SLC25A12: variants seen among roughly 807,000 people sequenced by gnomAD.
SLC25A12 encodes the protein solute carrier family 25 member 12, also known as electrogenic aspartate/glutamate antiporter SLC25A12, mitochondrial.
In SLC25A12, 32 loss-of-function variants were observed where a neutral mutation model predicts 83.3. The ratio of observed to expected loss-of-function variants is 0.38; its 90% confidence interval spans 0.29 to 0.52. The LOEUF (loss-of-function observed/expected upper bound fraction) is 0.52. Ranked by LOEUF, SLC25A12 falls within the 20% of genes least tolerant of loss-of-function variation. SLC25A12 has a pLI of 0.84. For synonymous variants in SLC25A12, 267 were observed against 291.1 expected, an observed-to-expected ratio of 0.92 and a Z score of 0.84; for missense variants, 611 against 835.6, an observed-to-expected ratio of 0.73 and a Z score of 3.31.
chr2:171,826,186 C>T (rs915902696), intron 9 of SLC25A12, among the ~76,000 whole-genome samples: 1 of 152,020 alleles, frequency 6.6e-6, no homozygotes, highest in Non-Finnish European at 1.5e-5. Flanking sequence ...TTAAATGTGA[C>T]GAGGCAAATG....
intron 2 of SLC25A12, among the ~76,000 whole-genome samples, chr2:171,869,302 AT>A (rs1685409071): frequency 6.6e-6 from 1 of 152,212 alleles, no homozygotes; most frequent in African/African-American, 2.4e-5. Context: ...AAAACACTGA[AT>A]TGTATACGTT....
intron 12 of SLC25A12, 131 bp downstream of exon 12, chr2:171,810,093 T>G: frequency 1.3e-6 from 1 of 766,848 alleles, no homozygotes. Flanking sequence ...AGAACTGGTC[T>G]CAAGTGATCC....
At chr2:171,818,896 G>A (rs1201507580) in intron 9 of SLC25A12, among the ~76,000 whole-genome samples, 1 of 151,432 alleles carries the variant, frequency 6.6e-6, no homozygotes, top group African/African-American at 2.4e-5. Context: ...GGGGAAAAAA[G>A]GCTAGATTCT....
At chr2:171,876,861 G>T (rs1029288116) in intron 2 of SLC25A12, among the ~76,000 whole-genome samples, 4 of 152,134 alleles carry the variant, frequency 2.6e-5, no homozygotes, top group African/African-American at 9.7e-5. Context: ...TATCTCTTAA[G>T]CAGTTGTATA....
chr2:171,855,025 TA>T (rs1685016465), intron 4 of SLC25A12, among the ~76,000 whole-genome samples: 1 of 152,218 alleles, frequency 6.6e-6, no homozygotes, highest in African/African-American at 2.4e-5. Context: ...ATTAAGATAG[TA>T]GTAATTTTAT....
At chr2:171,848,892 ATATT>A (rs752760664) in intron 4 of SLC25A12, among the ~76,000 whole-genome samples, 4 of 152,246 alleles carry the variant, frequency 2.6e-5, no homozygotes, top group Non-Finnish European at 5.9e-5. Flanking sequence ...AGATGAGTTC[ATATT>A]TAAAGACTAT....
At chr2:171,842,178 T>C (rs536089042) in intron 5 of SLC25A12, among the ~76,000 whole-genome samples, 98 of 152,068 alleles carry the variant, frequency 6.4e-4, no homozygotes, top group Admixed American at 2.9e-3. Flanking sequence ...ATTTATACTA[T>C]ATTATACAAT....
chr2:171,857,863 C>G (rs1418997899), intron 3 of SLC25A12, among the ~76,000 whole-genome samples: 2 of 151,978 alleles, frequency 1.3e-5, no homozygotes, highest in Non-Finnish European at 2.9e-5. Context: ...TGAATAGCCA[C>G]TGCACTCCAG....
At chr2:171,785,555 C>G in intron 17 of SLC25A12, 80 bp from the exon 18 acceptor site, 1 of 1,231,582 alleles carries the variant, frequency 8.1e-7, no homozygotes, top group Non-Finnish European at 1.2e-6. Context: ...TTCGGTCTGA[C>G]CCATGTGCCA....
At chr2:171,798,881 T>C (rs953501414) in intron 13 of SLC25A12, among the ~76,000 whole-genome samples, 5 of 152,198 alleles carry the variant, frequency 3.3e-5, no homozygotes, top group African/African-American at 1.2e-4. Context: ...AATGCATATG[T>C]TGGAACTAAT....
At chr2:171,859,702 A>T (rs534284639) in intron 3 of SLC25A12, among the ~76,000 whole-genome samples, 2 of 152,176 alleles carry the variant, frequency 1.3e-5, no homozygotes, top group Non-Finnish European at 2.9e-5. Context: ...ATGGGGAGTC[A>T]TTATGTAATT....
intron 13 of SLC25A12, among the ~76,000 whole-genome samples, chr2:171,795,446 C>T (rs1309754227): frequency 6.6e-6 from 1 of 152,182 alleles, no homozygotes; most frequent in African/African-American, 2.4e-5. Context: ...CAAGTAATTG[C>T]TCCTGTAGCT....
intron 8 of SLC25A12, among the ~76,000 whole-genome samples, chr2:171,831,689 T>C (rs892845920): frequency 1.3e-5 from 2 of 152,104 alleles, no homozygotes; most frequent in South Asian, 4.1e-4. Flanking sequence ...GTAGATCATC[T>C]GAGGTCAAAA....
chr2:171,801,501 T>C (rs550439177), intron 13 of SLC25A12, among the ~76,000 whole-genome samples: 19 of 152,206 alleles, frequency 1.2e-4, no homozygotes, highest in Non-Finnish European at 2.2e-4. Flanking sequence ...CGAATAAACA[T>C]ACATTTGTAC....
intron 14 of SLC25A12, 25 bp downstream of exon 14, chr2:171,793,602 T>C (rs1296697408): frequency 3.1e-6 from 5 of 1,611,096 alleles, no homozygotes; most frequent in African/African-American, 2.7e-5. Context: ...TTTTATTGAG[T>C]ACATTATAAC....
intron 8 of SLC25A12, among the ~76,000 whole-genome samples, chr2:171,832,364 C>T (rs938936465): frequency 6.6e-6 from 1 of 152,106 alleles, no homozygotes; most frequent in Non-Finnish European, 1.5e-5. Flanking sequence ...ACCAGGGCCA[C>T]CTTAGCAGGG....
At chr2:171,884,983 G>A (rs933091187) in intron 2 of SLC25A12, among the ~76,000 whole-genome samples, 8 of 152,134 alleles carry the variant, frequency 5.3e-5, no homozygotes, top group African/African-American at 1.7e-4. Context: ...GGAGGCCGAG[G>A]AGGGTGGATC....
chr2:171,825,345 A>G (rs1574701071), intron 9 of SLC25A12, among the ~76,000 whole-genome samples: 2 of 152,246 alleles, frequency 1.3e-5, no homozygotes, highest in East Asian at 3.8e-4. Flanking sequence ...AATTCTAATT[A>G]GTTTCACAGG....
chr2:171,832,747 G>A (rs1417204556), intron 8 of SLC25A12, among the ~76,000 whole-genome samples: 2 of 152,160 alleles, frequency 1.3e-5, no homozygotes, highest in Non-Finnish European at 2.9e-5. Context: ...GGAAGACACT[G>A]CCCAAAGTAT....
Sources: allele counts gnomAD v4.1 joint callset (sites outside exome capture counted in the v4.1 genomes callset), GRCh38; gene constraint gnomAD v4.1.1; transcripts MANE v1.5; gene names NCBI Gene and HGNC (gene_info 2026-07-23, HGNC 2026-07-21).